GRIA1: variants seen among roughly 807,000 people sequenced by gnomAD.
GRIA1 encodes glutamate ionotropic receptor AMPA type subunit 1.
GRIA1 carries 31 observed loss-of-function variants against 99.2 expected under a neutral mutation model. The ratio of observed to expected loss-of-function variants is 0.31; its 90% CI spans 0.23 to 0.42. The LOEUF is 0.42. Ranked by LOEUF, GRIA1 falls within the 10% of genes least tolerant of loss-of-function variation. The probability of loss-of-function intolerance (pLI) is 1.00; values close to 1 mark genes in which losing one functional copy is unlikely to be tolerated. For missense variants in GRIA1, 782 were observed against 1,157.5 expected, an observed-to-expected ratio of 0.68 and a Z score of 4.71; for synonymous variants, 438 against 432.4, an observed-to-expected ratio of 1.01 and a Z score of -0.16.
In GRIA1 at chr5:153,764,593, C is replaced by A; in HGVS notation, c.1983C>A (p.Tyr661Ter). 1 of 1,613,936 alleles carries A rather than the reference C, an allele frequency of 6.2e-7. No homozygotes were observed. The highest frequency in any genetic ancestry group is 8.5e-7 in the Non-Finnish European group (1 of 1,179,840). Residue 661 changes from tyrosine to a stop codon, truncating the protein, a stop_gained, in exon 12 of 16, where the codon TAC becomes TAA. Coordinates refer to ENST00000285900, the MANE Select transcript of GRIA1 (RefSeq NM_000827.4). LOFTEE classifies it high-confidence loss of function. ...EDLAKQTEIA[Y>*]GTLEAGSTKE... ...TAGCGAAGCAGACAGAAATTGCCTA[C>A]GGGACGCTGGAAGCAGGATCTACTA...
At position 153,789,270 on chromosome 5, in the gene GRIA1, A is replaced by G. The variant is rs571406690; in HGVS notation, c.2271-5351A>G. ...AGGAGATGGAACAAGTTCATAATGG[A>G]AGACCATCACCTTCCTTTGTATGAT... On this transcript the variant is annotated intron_variant, in intron 13 of 15. Transcript: ENST00000285900. 5.9e-5 allele frequency among the ~76,000 whole-genome samples: 9 copies of G among 151,884 alleles called. No homozygotes were observed. In the South Asian group the frequency reaches 1.7e-3, roughly 28 times the overall value.
At chr5:153,601,069 G>A (rs183120508) in intron 2 of GRIA1, among the ~76,000 whole-genome samples, 113 of 152,342 alleles carry the variant, frequency 7.4e-4, no homozygotes, top group South Asian at 1.5e-3. Flanking sequence ...ACATTGTCAA[G>A]AAAATTCATT....
chr5:153,572,254 A>G (rs929664034), intron 2 of GRIA1, among the ~76,000 whole-genome samples: 2 of 152,194 alleles, frequency 1.3e-5, no homozygotes, highest in African/African-American at 4.8e-5. Flanking sequence ...CCAGAAAATC[A>G]GCAAATGGTG....
intron 2 of GRIA1, among the ~76,000 whole-genome samples, chr5:153,536,864 G>A (rs1003900673): frequency 1.3e-5 from 2 of 152,092 alleles, no homozygotes; most frequent in East Asian, 1.9e-4. Flanking sequence ...CAGTGCCTTC[G>A]TTGAGACAGG....
At chr5:153,744,308 G>A (rs1213537056) in intron 11 of GRIA1, among the ~76,000 whole-genome samples, 1 of 152,106 alleles carries the variant, frequency 6.6e-6, no homozygotes. Context: ...AAAAAAGTTT[G>A]TTATTTTAAC....
intron 2 of GRIA1, among the ~76,000 whole-genome samples, chr5:153,498,888 A>G (rs1461466187): frequency 6.6e-6 from 1 of 152,170 alleles, no homozygotes; most frequent in Non-Finnish European, 1.5e-5. Flanking sequence ...GAGTAATCAA[A>G]TTATGTTGTT....
chr5:153,690,347 G>C (rs1035489006), intron 8 of GRIA1, among the ~76,000 whole-genome samples: 1 of 152,120 alleles, frequency 6.6e-6, no homozygotes, highest in African/African-American at 2.4e-5. Context: ...TTTAGAGGCA[G>C]ACAGACCAGG....
At chr5:153,497,809 A>C (rs575295985) in intron 2 of GRIA1, among the ~76,000 whole-genome samples, 3 of 152,344 alleles carry the variant, frequency 2.0e-5, no homozygotes, top group South Asian at 4.1e-4. Context: ...GACAACAGTA[A>C]GTTGCATTCC....
At chr5:153,765,991 T>C (rs1763493597) in intron 12 of GRIA1, among the ~76,000 whole-genome samples, 1 of 152,154 alleles carries the variant, frequency 6.6e-6, no homozygotes, top group African/African-American at 2.4e-5. Flanking sequence ...CTGTACAGAC[T>C]CACCTAGTTA....
intron 5 of GRIA1, among the ~76,000 whole-genome samples, chr5:153,661,501 T>C (rs1755367886): frequency 6.6e-6 from 1 of 152,210 alleles, no homozygotes; most frequent in African/African-American, 2.4e-5. Flanking sequence ...ATTTTTTCAC[T>C]TACTATACTT....
At chr5:153,751,102 A>AAAAAGAG (rs1762483453) in intron 11 of GRIA1, among the ~76,000 whole-genome samples, 1 of 152,198 alleles carries the variant, frequency 6.6e-6, no homozygotes, top group South Asian at 2.1e-4. Flanking sequence ...CTCTGTCAAA[A>AAAAAGAG]AAAAGAGAAG....
At chr5:153,751,742 C>T (rs558775923) in intron 11 of GRIA1, among the ~76,000 whole-genome samples, 83 of 152,328 alleles carry the variant, frequency 5.4e-4, no homozygotes, top group African/African-American at 1.9e-3. Flanking sequence ...ATCGGAAACC[C>T]AGAGAATGGT....
intron 10 of GRIA1, among the ~76,000 whole-genome samples, chr5:153,700,106 C>G (rs537888006): frequency 6.6e-6 from 1 of 152,188 alleles, no homozygotes; most frequent in Non-Finnish European, 1.5e-5. Flanking sequence ...ACCGAGAGGC[C>G]GGGCACAGTG....
chr5:153,752,285 C>T (rs1003626660), intron 11 of GRIA1, among the ~76,000 whole-genome samples: 1 of 152,100 alleles, frequency 6.6e-6, no homozygotes, highest in East Asian at 1.9e-4. Flanking sequence ...CACCTGTCTG[C>T]TTGGTGATCT....
intron 13 of GRIA1, among the ~76,000 whole-genome samples, chr5:153,790,648 T>C (rs1765240481): frequency 6.6e-6 from 1 of 152,230 alleles, no homozygotes; most frequent in South Asian, 2.1e-4. Flanking sequence ...TCATTCTTTA[T>C]TGTTGTCCTT....
At chr5:153,611,500 C>T (rs1765974722) in intron 2 of GRIA1, among the ~76,000 whole-genome samples, 1 of 152,134 alleles carries the variant, frequency 6.6e-6, no homozygotes, top group African/African-American at 2.4e-5. Flanking sequence ...ATTCCTGTGA[C>T]TGAAAGGGCT....
At chr5:153,559,469 T>C (rs34981000) in intron 2 of GRIA1, among the ~76,000 whole-genome samples, 20,022 of 152,226 alleles carry the variant, frequency 0.13, 1,495 homozygotes, top group South Asian at 0.25. Flanking sequence ...TGACTAGCTT[T>C]TCAATGTTTT....
chr5:153,542,678 C>T (rs1210561773), intron 2 of GRIA1, among the ~76,000 whole-genome samples: 1 of 152,212 alleles, frequency 6.6e-6, no homozygotes, highest in Non-Finnish European at 1.5e-5. Flanking sequence ...TTTGCTCTGC[C>T]ATTTGCTAGC....
intron 2 of GRIA1, among the ~76,000 whole-genome samples, chr5:153,502,521 C>T (rs1386796534): frequency 6.6e-6 from 1 of 152,166 alleles, no homozygotes; most frequent in African/African-American, 2.4e-5. Context: ...GGACTATTGT[C>T]ATGAGGGGTC....
Sources: gnomAD v4.1 joint callset for allele counts (sites outside exome capture counted in the v4.1 genomes callset) on GRCh38, gnomAD v4.1.1 for gene constraint, MANE v1.5 for transcripts, NCBI Gene and HGNC (gene_info 2026-07-23, HGNC 2026-07-21) for gene names.